DPP10: variants seen among roughly 807,000 people sequenced by gnomAD.
DPP10 encodes inactive dipeptidyl peptidase 10.
Under a neutral mutation model 120.9 loss-of-function variants are expected in DPP10, and 33 were observed. The observed-to-expected ratio is 0.27, with a 90% CI of 0.21 to 0.37. DPP10 has a LOEUF of 0.37. Among genes scored for constraint, DPP10 ranks in the 10% least tolerant of loss-of-function variants. The probability of loss-of-function intolerance (pLI) is 1.00; values close to 1 mark genes in which losing one functional copy is unlikely to be tolerated. For synonymous variants in DPP10, 337 were observed against 326.1 expected (o/e 1.03, Z -0.36); for missense variants, 816 against 942.8 (o/e 0.87, Z 1.76).
chr2:114,868,775 A>G (rs968215701), intron 1 of DPP10, among the ~76,000 whole-genome samples: 2 of 152,166 alleles, frequency 1.3e-5, no homozygotes, highest in African/African-American at 4.8e-5. Context: ...TACAAAAACA[A>G]TTCTTTTTAG....
intron 1 of DPP10, among the ~76,000 whole-genome samples, chr2:114,481,708 A>G (rs1234099843): frequency 6.6e-6 from 1 of 152,174 alleles, no homozygotes; most frequent in Admixed American, 6.6e-5. Flanking sequence ...AGGTTACTGT[A>G]TTAGTCCGTT....
intron 3 of DPP10, among the ~76,000 whole-genome samples, chr2:115,427,517 C>T (rs1389223203): frequency 2.0e-5 from 3 of 152,164 alleles, no homozygotes; most frequent in Non-Finnish European, 2.9e-5. Context: ...CCAAGCTGTA[C>T]TGTGAGGCCT....
intron 3 of DPP10, among the ~76,000 whole-genome samples, chr2:115,383,817 CCAA>C (rs1221379065): frequency 2.6e-5 from 4 of 152,064 alleles, no homozygotes; most frequent in Non-Finnish European, 4.4e-5. Flanking sequence ...CTTTCTTGTT[CCAA>C]CATTTGATTC....
intron 1 of DPP10, among the ~76,000 whole-genome samples, chr2:114,510,602 C>CA (rs989478011): frequency 5.9e-5 from 9 of 151,652 alleles, no homozygotes; most frequent in Admixed American, 2.0e-4. Context: ...GACTCTGTCT[C>CA]AAAAAAACAA....
chr2:115,736,880 T>C (rs1248982015), intron 8 of DPP10, among the ~76,000 whole-genome samples: 1 of 152,162 alleles, frequency 6.6e-6, no homozygotes, highest in African/African-American at 2.4e-5. Flanking sequence ...TAAACCTCCC[T>C]GTCACTAGTT....
intron 1 of DPP10, among the ~76,000 whole-genome samples, chr2:114,899,907 C>T (rs1693406420): frequency 6.6e-6 from 1 of 152,164 alleles, no homozygotes; most frequent in Non-Finnish European, 1.5e-5. Flanking sequence ...TGGCAGTGAG[C>T]CAAGATCGCA....
intron 19 of DPP10, among the ~76,000 whole-genome samples, chr2:115,813,625 C>T (rs937798807): frequency 1.3e-5 from 2 of 152,140 alleles, no homozygotes; most frequent in Non-Finnish European, 2.9e-5. Context: ...ATTTTAGTTG[C>T]TCTGTGTTTT....
intron 1 of DPP10, among the ~76,000 whole-genome samples, chr2:114,485,584 C>G (rs901761417): frequency 5.0e-5 from 7 of 140,852 alleles, no homozygotes; most frequent in African/African-American, 2.1e-4. Context: ...TAGTGTTGCA[C>G]TAGTGTTGTG....
intron 1 of DPP10, among the ~76,000 whole-genome samples, chr2:114,670,423 C>T (rs10179479): frequency 0.22 from 33,202 of 151,722 alleles, 7,590 homozygotes; most frequent in African/African-American, 0.58. Context: ...AGTAAACTAT[C>T]GCAAGGACAA....
intron 3 of DPP10, among the ~76,000 whole-genome samples, chr2:115,449,280 A>G (rs1482342233): frequency 6.6e-6 from 1 of 152,138 alleles, no homozygotes; most frequent in Admixed American, 6.6e-5. Context: ...CCAGTTGACC[A>G]TGTTACTATT....
At chr2:114,572,642 G>A (rs763506231) in intron 1 of DPP10, among the ~76,000 whole-genome samples, 6 of 152,186 alleles carry the variant, frequency 3.9e-5, no homozygotes, top group Admixed American at 6.5e-5. Flanking sequence ...AACCTACAGC[G>A]AATGATAAAG....
At chr2:115,025,092 C>T (rs1168947772) in intron 1 of DPP10, among the ~76,000 whole-genome samples, 6 of 151,880 alleles carry the variant, frequency 4.0e-5, no homozygotes, top group South Asian at 2.1e-4. Flanking sequence ...AGTGAACTAT[C>T]GAACATTAGG....
intron 1 of DPP10, among the ~76,000 whole-genome samples, chr2:114,684,764 A>G (rs1181476456): frequency 6.6e-6 from 1 of 151,968 alleles, no homozygotes. Context: ...TAGTGGGTGA[A>G]GGCAAAGAAG....
intron 1 of DPP10, among the ~76,000 whole-genome samples, chr2:114,901,619 A>G (rs1693580977): frequency 6.6e-6 from 1 of 152,194 alleles, no homozygotes; most frequent in African/African-American, 2.4e-5. Flanking sequence ...ATTGAAGAGG[A>G]CTGAAGATTA....
intron 1 of DPP10, among the ~76,000 whole-genome samples, chr2:114,636,585 C>A (rs547136486): frequency 1.3e-5 from 2 of 151,922 alleles, no homozygotes; most frequent in Non-Finnish European, 2.9e-5. Context: ...ATCCCCAGGG[C>A]TCTGTGGACT....
intron 2 of DPP10, among the ~76,000 whole-genome samples, chr2:115,322,466 T>A (rs1045830186): frequency 6.6e-6 from 1 of 152,190 alleles, no homozygotes; most frequent in Non-Finnish European, 1.5e-5. Context: ...CTTTTCAGGT[T>A]AGCTCTGTGT....
At chr2:115,608,935 A>G (rs777670340) in intron 5 of DPP10, among the ~76,000 whole-genome samples, 27 of 152,282 alleles carry the variant, frequency 1.8e-4, no homozygotes, top group South Asian at 1.0e-3. Context: ...AAGGAGAAAT[A>G]TAAAACAAAT....
At chr2:114,490,323 CTG>C (rs1480086771) in intron 1 of DPP10, among the ~76,000 whole-genome samples, 1 of 152,154 alleles carries the variant, frequency 6.6e-6, no homozygotes, top group East Asian at 1.9e-4. Context: ...CTTTATAACT[CTG>C]TGTAGGCATT....
chr2:114,781,795 C>G (rs1682350372), intron 1 of DPP10, among the ~76,000 whole-genome samples: 1 of 152,110 alleles, frequency 6.6e-6, no homozygotes, highest in Non-Finnish European at 1.5e-5. Context: ...TGAGTTCTCT[C>G]AGGTCTGCAG....
Sources: gnomAD v4.1 joint callset for allele counts (sites outside exome capture counted in the v4.1 genomes callset) on GRCh38, gnomAD v4.1.1 for gene constraint, MANE v1.5 for transcripts, NCBI Gene and HGNC (gene_info 2026-07-23, HGNC 2026-07-21) for gene names.